The following SND1 variants were observed in gnomAD, a reference collection of about 807,000 sequenced individuals.
The protein encoded by SND1 is staphylococcal nuclease and tudor domain containing 1.
In SND1, 38 loss-of-function variants were observed where a neutral mutation model predicts 121.7. The ratio of observed to expected loss-of-function variants is 0.31; its 90% CI spans 0.24 to 0.41. The LOEUF is 0.41. Among genes scored for constraint, SND1 ranks in the 10% least tolerant of loss-of-function variants. The probability of loss-of-function intolerance (pLI) is 1.00; values close to 1 mark genes in which losing one functional copy is unlikely to be tolerated. For missense variants in SND1, 868 were observed against 1,184.6 expected (o/e 0.73, Z 3.92); for synonymous variants, 401 against 447.4 (o/e 0.90, Z 1.31).
chr7:127,949,654 A>C (rs1801416705), intron 15 of SND1, among the ~76,000 whole-genome samples: 1 of 152,118 alleles, frequency 6.6e-6, no homozygotes, highest in Non-Finnish European at 1.5e-5. Context: ...AGTCATCTTT[A>C]CTTGTTTTGA....
chr7:127,687,890 G>T (rs990022969), intron 2 of SND1, among the ~76,000 whole-genome samples: 2 of 151,856 alleles, frequency 1.3e-5, no homozygotes, highest in African/African-American at 2.4e-5. Flanking sequence ...AGGAGGTCTC[G>T]CTAGTTTGCC....
intron 16 of SND1, among the ~76,000 whole-genome samples, chr7:128,065,759 G>A (rs900031571): frequency 2.6e-5 from 4 of 152,180 alleles, no homozygotes; most frequent in Admixed American, 6.5e-5. Context: ...AAGAACGGAC[G>A]CACCGAATGG....
chr7:128,040,172 C>G (rs10236846), intron 16 of SND1, among the ~76,000 whole-genome samples: 2 of 151,990 alleles, frequency 1.3e-5, no homozygotes, highest in East Asian at 3.9e-4. Flanking sequence ...CTGGGTCCTT[C>G]TCCAGCTTTG....
At chr7:128,010,748 G>T (rs1021922688) in intron 16 of SND1, among the ~76,000 whole-genome samples, 1 of 152,218 alleles carries the variant, frequency 6.6e-6, no homozygotes, top group Non-Finnish European at 1.5e-5. Context: ...AAGCAAGAGG[G>T]GTTTTGTAGT....
intron 16 of SND1, among the ~76,000 whole-genome samples, chr7:128,036,994 CTG>C (rs1446146618): frequency 6.6e-6 from 1 of 152,180 alleles, no homozygotes; most frequent in Non-Finnish European, 1.5e-5. Context: ...CACAACAGCT[CTG>C]TGAGATGGGT....
intron 12 of SND1, among the ~76,000 whole-genome samples, chr7:127,855,346 A>G (rs1214244247): frequency 6.6e-6 from 1 of 152,066 alleles, no homozygotes; most frequent in Non-Finnish European, 1.5e-5. Context: ...TCCTGGGCTC[A>G]AGCAGTTCTC....
At chr7:128,082,016 C>T (rs1793611784) in intron 18 of SND1, 2 of 527,666 alleles carry the variant, frequency 3.8e-6, no homozygotes, top group Non-Finnish European at 7.8e-6. Flanking sequence ...AAACAGGCAG[C>T]GCTCTAGGGG....
intron 10 of SND1, among the ~76,000 whole-genome samples, chr7:127,771,555 G>A (rs1379353922): frequency 6.6e-6 from 1 of 152,038 alleles, no homozygotes; most frequent in Non-Finnish European, 1.5e-5. Context: ...GATTTGTAGT[G>A]TATTCATGAA....
In SND1 at chr7:127,686,732, A is replaced by G. The variant is rs773308274; in HGVS notation, c.198A>G (p.Thr66=). The G allele has an allele frequency of 1.2e-6, 2 of 1,614,206 alleles. No individual in the cohort carries two copies. The highest frequency in any genetic ancestry group is 3.3e-5 in the Admixed American group (2 of 60,022). ...AGNLARRAAA[T]QPDAKDTPDE... ...ATCTTGCTCGCCGGGCAGCCGCCAC[A>G]CAACCTGATGCAAAGGATACCCCTG... is the stretch of plus-strand genomic sequence containing the variant. Residue 66 remains threonine (T), a synonymous_variant, in exon 2 of 24, where the codon ACA becomes ACG. Coordinates refer to ENST00000354725, the MANE Select transcript of SND1 (RefSeq NM_014390.4).
chr7:128,070,340 T>C (rs1793389053), intron 16 of SND1, among the ~76,000 whole-genome samples: 1 of 152,228 alleles, frequency 6.6e-6, no homozygotes, highest in African/African-American at 2.4e-5. Context: ...CTTGTGTACA[T>C]GCACACACAT....
chr7:127,884,954 T>G (rs936322964), intron 12 of SND1, among the ~76,000 whole-genome samples: 1 of 152,148 alleles, frequency 6.6e-6, no homozygotes, highest in African/African-American at 2.4e-5. Flanking sequence ...TAACCAATCT[T>G]GTAACACTGA....
intron 12 of SND1, among the ~76,000 whole-genome samples, chr7:127,865,232 C>T (rs1354981263): frequency 6.6e-6 from 1 of 152,224 alleles, no homozygotes; most frequent in Non-Finnish European, 1.5e-5. Context: ...CTATAGTTGA[C>T]ATATGCTTGG....
In SND1 at chr7:127,915,543, C is replaced by T. The variant is rs1011499368; in HGVS notation, c.1527+10724C>T. Reference sequence around the variant, plus strand: ...GAATGATCAAACAATAAGTATTTATCAAGAGCTTTTCATATGCCAGCAAGA... The same window carrying T: ...GAATGATCAAACAATAAGTATTTATTAAGAGCTTTTCATATGCCAGCAAGA... On this transcript the variant is annotated intron_variant, in intron 14 of 23. Transcript: ENST00000354725. 2.0e-5 allele frequency among the ~76,000 whole-genome samples: 3 copies of T among 152,128 alleles called. No homozygotes were observed. In the East Asian group the frequency reaches 5.8e-4, roughly 29 times the overall value.
chr7:128,087,091 A>T (rs774750424), intron 21 of SND1, 40 bp downstream of exon 21: 4 of 1,499,852 alleles, frequency 2.7e-6, no homozygotes, highest in East Asian at 2.3e-5. Flanking sequence ...GGGACTATCC[A>T]CTGACACTTA....
chr7:127,929,200 G>A lies in SND1; in HGVS notation c.1540G>A (p.Ala514Thr). The change falls in exon 15 of 24, where the codon GCA becomes ACA. Residue 514 changes from alanine (A) to threonine (T), a missense_variant. This residue lies in a region of SND1 where 743 missense variants were observed against 1,071.3 expected (regional missense o/e 0.69). Coordinates refer to ENST00000354725, the MANE Select transcript of SND1 (RefSeq NM_014390.4). ...TTTTCTCCATCAGGATACCCAAAAAGCAAAGCAGTTCCTGCCTTTTCTTCA... is the reference window on the plus strand; with the variant it reads ...TTTTCTCCATCAGGATACCCAAAAAACAAAGCAGTTCCTGCCTTTTCTTCA... The part of the protein sequence containing the change: ...VADISGDTQK[A>T]KQFLPFLQRA... The A allele has an allele frequency of 1.2e-6, 2 of 1,614,068 alleles. No individual in the cohort carries two copies. Among genetic ancestry groups the A allele is most frequent in the Non-Finnish European group, 1.7e-6 (2 of 1,179,952 alleles).
At chr7:127,783,865 G>A (rs1455444984) in intron 10 of SND1, among the ~76,000 whole-genome samples, 2 of 152,158 alleles carry the variant, frequency 1.3e-5, no homozygotes, top group Non-Finnish European at 1.5e-5. Context: ...GATAATTAAT[G>A]TTCCTTAAGG....
rs139562849 is a variant in SND1, at chr7:128,029,639, G to A, written c.1779+38583G>A. 6.2e-7 allele frequency: 1 copy of A among 1,614,018 alleles called. No homozygotes were observed. Reference sequence around the variant, plus strand: ...CCTCCACGAGGTAGCGGCCTCGCATGTGCATGGGAGCATGACAGCGGCCAC... The same window carrying A: ...CCTCCACGAGGTAGCGGCCTCGCATATGCATGGGAGCATGACAGCGGCCAC... On this transcript the variant is annotated intron_variant, in intron 16 of 23. Transcript: ENST00000354725. This position sits in a 1 kb window ranked among gnomAD's most constrained non-coding sequence, Gnocchi z 4.2.
At chr7:127,765,025 C>T (rs561541000) in intron 10 of SND1, among the ~76,000 whole-genome samples, 4 of 152,052 alleles carry the variant, frequency 2.6e-5, no homozygotes, top group South Asian at 2.1e-4. Flanking sequence ...ATTTTTGCAA[C>T]GAGTTGGTAA....
intron 7 of SND1, 150 bp from the exon 8 acceptor site, chr7:127,704,689 A>G (rs1796159057): frequency 1.5e-6 from 1 of 655,376 alleles, no homozygotes; most frequent in African/African-American, 1.8e-5. Flanking sequence ...GTGGTTTCGT[A>G]GTGAGAGAAG....
Sources: allele counts gnomAD v4.1 joint callset (sites outside exome capture counted in the v4.1 genomes callset), GRCh38; gene constraint gnomAD v4.1.1; regional missense constraint gnomAD v4.1.1; non-coding constraint Gnocchi (gnomAD v3.1); transcripts MANE v1.5; gene names NCBI Gene and HGNC (gene_info 2026-07-23, HGNC 2026-07-21).